The following NHSL2 variants were observed in gnomAD, a reference collection of about 807,000 sequenced individuals.
NHSL2 encodes the protein NHS like 2.
A neutral mutation model predicts 53.4 loss-of-function variants in NHSL2; 27 were observed. The ratio of observed to expected loss-of-function variants is 0.51; its 90% CI spans 0.37 to 0.70. The LOEUF (loss-of-function observed/expected upper bound fraction) is 0.70. Among genes scored for constraint, NHSL2 ranks in the 30% least tolerant of loss-of-function variants. The probability of loss-of-function intolerance (pLI) is 0.00; values close to 1 mark genes in which losing one functional copy is unlikely to be tolerated. For missense variants in NHSL2, 892 were observed against 980.1 expected (o/e 0.91, Z 1.20); for synonymous variants, 408 against 404.1 (o/e 1.01, Z -0.12).
At chrX:72,132,255 TGCG>T in intron 2 of NHSL2, 21 bp downstream of exon 2, 1 of 1,139,603 alleles carries the variant, frequency 8.8e-7, no homozygotes, top group Non-Finnish European at 1.2e-6. Flanking sequence ...GGAGGGGGGC[TGCG>T]GCCGGAGCCC....
intron 1 of NHSL2, among the ~76,000 whole-genome samples, chrX:72,123,396 G>C (rs1314561998): frequency 1.8e-5 from 2 of 111,954 alleles, no homozygotes; most frequent in African/African-American, 6.5e-5. Flanking sequence ...GTTTTGTAGA[G>C]GAGCAGCAAG....
chrX:72,029,744 G>T (rs1386118500), intron 1 of NHSL2, among the ~76,000 whole-genome samples: 8 of 112,794 alleles, frequency 7.1e-5, no homozygotes, highest in Non-Finnish European at 1.5e-4. Context: ...AAGGGTGGCT[G>T]GTGGAGGGGA....
chrX:72,067,961 C>G lies in NHSL2; in HGVS notation c.281-64118C>G, dbSNP rs751907454. Among the ~76,000 whole-genome samples the G allele has an allele frequency of 2.0e-4, 23 of 112,348 alleles. 1 individual carries two copies. The East Asian group carries it at 3.9e-3, about 19-fold the overall frequency. On this transcript the variant is annotated intron_variant, in intron 1 of 7. Transcript: ENST00000633930. ...CAGGGGTAATATTCCAAACAGTTAA[C>G]AGTGTGTCCTTCCCCTTTCTGTTTC...
chrX:72,051,330 G>C (rs1037839746), intron 1 of NHSL2, among the ~76,000 whole-genome samples: 1 of 112,348 alleles, frequency 8.9e-6, no homozygotes, highest in African/African-American at 3.2e-5. Context: ...TGCATGTACA[G>C]AAATTTTCAG....
intron 1 of NHSL2, among the ~76,000 whole-genome samples, chrX:72,122,734 G>A (rs2042190933): frequency 1.8e-5 from 2 of 111,160 alleles, no homozygotes; most frequent in Admixed American, 1.9e-4. Context: ...CGCTGGGAAG[G>A]AGCAACTCTG....
chrX:72,013,785 GT>G (rs1320986440), intron 1 of NHSL2, among the ~76,000 whole-genome samples: 2 of 110,027 alleles, frequency 1.8e-5, no homozygotes, highest in African/African-American at 3.3e-5. Context: ...ATTTCTCAGA[GT>G]TTTTTTTAAC....
intron 1 of NHSL2, among the ~76,000 whole-genome samples, chrX:72,061,571 C>A (rs748215716): frequency 1.2e-4 from 13 of 112,307 alleles, no homozygotes; most frequent in Non-Finnish European, 2.4e-4. Flanking sequence ...CTGCCCATTT[C>A]TACTGGAACT....
intron 1 of NHSL2, among the ~76,000 whole-genome samples, chrX:71,912,012 C>G (rs370213461): frequency 1.1e-3 from 128 of 111,927 alleles, no homozygotes; most frequent in African/African-American, 3.6e-3. Flanking sequence ...GGAGAATGTC[C>G]GGGGCTTTGC....
chrX:72,085,864 G>C (rs1009539699), intron 1 of NHSL2, among the ~76,000 whole-genome samples: 8 of 109,066 alleles, frequency 7.3e-5, no homozygotes, highest in African/African-American at 2.7e-4. Flanking sequence ...CCCCACCTTT[G>C]TGCCCACCCT....
At chrX:71,935,482 T>G (rs772083872) in intron 1 of NHSL2, among the ~76,000 whole-genome samples, 1 of 113,206 alleles carries the variant, frequency 8.8e-6, no homozygotes, top group East Asian at 2.8e-4. Flanking sequence ...ATGTGTAGCC[T>G]GTTGCCTAGG....
At chrX:72,111,913 A>G (rs1336326430) in intron 1 of NHSL2, among the ~76,000 whole-genome samples, 1 of 111,304 alleles carries the variant, frequency 9.0e-6, no homozygotes, top group Non-Finnish European at 1.9e-5. Context: ...CCACTTACCA[A>G]GAAAAGCTTC....
chrX:72,135,318 G>A (rs2042346810), intron 4 of NHSL2, among the ~76,000 whole-genome samples: 1 of 112,038 alleles, frequency 8.9e-6, no homozygotes, highest in Non-Finnish European at 1.9e-5. Flanking sequence ...GGAACGTGCT[G>A]TATTATATGT....
chrX:72,019,745 C>A, intron 1 of NHSL2, among the ~76,000 whole-genome samples: 1 of 111,931 alleles, frequency 8.9e-6, no homozygotes, highest in Admixed American at 9.4e-5. Context: ...CCTCAGAGTT[C>A]TCACCTCTCT....
chrX:72,132,232 A>G lies in NHSL2; in HGVS notation c.434A>G (p.Gln145Arg), dbSNP rs961842005. 1.9e-5 allele frequency: 22 copies of G among 1,154,938 alleles called. No homozygotes were observed. The highest frequency in any genetic ancestry group is 2.3e-5 in the Non-Finnish European group (20 of 866,556). ...EAQLNLQSLL[Q>R]EEYEEQYSEA... ...CAGCTCAATCTCCAGAGCCTGTTGC[A>G]AGGTACCGAGAGGGAGGGGGGCTGC... Residue 145 changes from glutamine (Q) to arginine (R), a missense_variant and splice_region_variant, in exon 2 of 8, where the codon CAA becomes CGA. Transcript: ENST00000633930.
intron 1 of NHSL2, among the ~76,000 whole-genome samples, chrX:71,995,470 C>G (rs1483174566): frequency 8.9e-6 from 1 of 112,238 alleles, no homozygotes; most frequent in Non-Finnish European, 1.9e-5. Flanking sequence ...TCACCTCCTG[C>G]TCTCCTGCTA....
chrX:72,087,977 G>A (rs1181729208), intron 1 of NHSL2, among the ~76,000 whole-genome samples: 1 of 100,399 alleles, frequency 1.0e-5, no homozygotes, highest in Non-Finnish European at 2.2e-5. Flanking sequence ...GGCCGAGGCG[G>A]GCTGCTCCCC....
At chrX:71,961,965 G>A (rs761193719) in intron 1 of NHSL2, among the ~76,000 whole-genome samples, 3 of 112,342 alleles carry the variant, frequency 2.7e-5, no homozygotes, top group African/African-American at 6.5e-5. Flanking sequence ...CAGTGTGCCC[G>A]GCCATTTATC....
chrX:72,050,605 C>T (rs1005886681), intron 1 of NHSL2, among the ~76,000 whole-genome samples: 1 of 111,883 alleles, frequency 8.9e-6, no homozygotes, highest in Non-Finnish European at 1.9e-5. Flanking sequence ...CAAAAGAAAA[C>T]ATTACAGTCC....
chrX:71,925,450 G>T (rs1238054684), intron 1 of NHSL2, among the ~76,000 whole-genome samples: 7 of 106,169 alleles, frequency 6.6e-5, no homozygotes, highest in African/African-American at 2.1e-4. Context: ...ACGGAGTCTC[G>T]CTCTGTGACC....
Sources: gnomAD v4.1 joint callset for allele counts (sites outside exome capture counted in the v4.1 genomes callset) on GRCh38, gnomAD v4.1.1 for gene constraint, MANE v1.5 for transcripts, NCBI Gene and HGNC (gene_info 2026-07-23, HGNC 2026-07-21) for gene names.